SFRP2: variants seen among roughly 807,000 people sequenced by gnomAD.
The protein encoded by SFRP2 is secreted frizzled-related protein 2.
A neutral mutation model predicts 26.0 loss-of-function variants in SFRP2; 16 were observed. That is an observed-to-expected ratio of 0.61 (90% CI 0.42 to 0.93). The LOEUF (loss-of-function observed/expected upper bound fraction) is 0.93, where lower values mean the gene tolerates loss of function less well. Among genes scored for constraint, SFRP2 ranks in the 40% least tolerant of loss-of-function variants. The pLI is 0.00. For missense variants in SFRP2, 343 were observed against 392.4 expected (o/e 0.87, Z 1.06); for synonymous variants, 173 against 167.3 (o/e 1.03, Z -0.26).
rs1741119116 is a variant in SFRP2 at position 153,781,416 on chromosome 4, G to A, written c.*35C>T. On this transcript the variant is annotated 3_prime_UTR_variant, in exon 3 of 3. Coordinates refer to ENST00000274063, the MANE Select transcript of SFRP2 (RefSeq NM_003013.3). Reference sequence around the variant, plus strand: ...GAGCAGAAATGGTCAGCCGTGCTCTGGAGCAGGCCTGTCGGAGCCATCAGG... The same window carrying A: ...GAGCAGAAATGGTCAGCCGTGCTCTAGAGCAGGCCTGTCGGAGCCATCAGG... 1.3e-6 allele frequency: 2 copies of A among 1,584,258 alleles called. No individual in the cohort carries two copies. The highest frequency in any genetic ancestry group is 1.7e-6 in the Non-Finnish European group (2 of 1,163,698).
At chr4:153,783,849 T>C (rs113100080) in intron 2 of SFRP2, among the ~76,000 whole-genome samples, 82 of 152,342 alleles carry the variant, frequency 5.4e-4, no homozygotes, top group African/African-American at 1.9e-3. Context: ...AAAATTCTGC[T>C]TCATTATCCC....
In SFRP2 at chr4:153,788,218, GC is replaced by G. The variant is rs1741244582; in HGVS notation, c.502+115del. On this transcript the variant is annotated intron_variant, in intron 1 of 2. Transcript: ENST00000274063. ...ACAGACCAGGTCAGGCAGAACTTCT[GC>G]CCTTCCCGCTACTGGCACCCCAAGC... 3.9e-6 allele frequency: 5 copies of G among 1,268,170 alleles called. 1 individual carries two copies. Among genetic ancestry groups the G allele is most frequent in the South Asian group, 2.8e-5 (2 of 71,548 alleles). 78.6% of individuals were successfully genotyped at this position (1,268,170 alleles called of 1,614,324 possible).
chr4:153,782,765 A>C (rs1199686421), intron 2 of SFRP2, among the ~76,000 whole-genome samples: 1 of 152,122 alleles, frequency 6.6e-6, no homozygotes, highest in African/African-American at 2.4e-5. Context: ...CTGTAATACC[A>C]CTGTGGTGTC....
In SFRP2 at chr4:153,788,509, C is replaced by A. The variant is rs764627420; in HGVS notation, c.327G>T (p.Glu109Asp). The change falls in exon 1 of 3, where the codon GAG becomes GAT. Residue 109 changes from glutamate to aspartate, a missense_variant. Glu to Asp is a conservative substitution (Grantham distance 45). Around this residue, in one of 2 missense-constraint regions of SFRP2, gnomAD observed 251 missense variants for 253.3 expected, o/e 0.99. Transcript: ENST00000274063. ...FAPVCLDDLDETIQPCHSLCV... is the reference protein window; with the variant it reads ...FAPVCLDDLDDTIQPCHSLCV... ...AGAGCGAGTGGCATGGCTGGATGGT[C>A]TCGTCTAGGTCATCGAGGCAGACGG... is the stretch of plus-strand genomic sequence containing the variant. 1 of 1,614,194 alleles carries A rather than the reference C, an allele frequency of 6.2e-7. No individual in the cohort carries two copies. The highest frequency in any genetic ancestry group is 1.1e-5 in the South Asian group (1 of 91,086).
intron 2 of SFRP2, among the ~76,000 whole-genome samples, chr4:153,784,133 G>A (rs1409833169): frequency 2.6e-5 from 4 of 152,184 alleles, no homozygotes; most frequent in Non-Finnish European, 4.4e-5. Flanking sequence ...GCTCCACAGT[G>A]TAACAATCAA....
intron 1 of SFRP2, 57 bp downstream of exon 1, chr4:153,788,277 A>T: frequency 6.4e-7 from 1 of 1,561,220 alleles, no homozygotes; most frequent in Non-Finnish European, 8.7e-7. Flanking sequence ...CAGGGGCGGG[A>T]TCTCCTGGGA....
In SFRP2 at chr4:153,789,072, C is replaced by A; in HGVS notation, c.-237G>T. 2.0e-6 allele frequency: 1 copy of A among 491,922 alleles called. No individual in the cohort carries two copies. Among genetic ancestry groups the A allele is most frequent in the East Asian group, 3.4e-5 (1 of 29,244 alleles). 30.5% of individuals were successfully genotyped at this position (491,922 alleles called of 1,614,324 possible). On this transcript the variant is annotated 5_prime_UTR_variant, in exon 1 of 3. Coordinates refer to ENST00000274063, the MANE Select transcript of SFRP2 (RefSeq NM_003013.3). ...TCCGACCCGGGGGAGCAGAATGAGC[C>A]GTTGCTGGGGCACAGCCAGAGTTTT...
At chr4:153,785,754 T>C in intron 2 of SFRP2, 110 bp downstream of exon 2, 1 of 662,548 alleles carries the variant, frequency 1.5e-6, no homozygotes, top group Non-Finnish European at 2.5e-6. Context: ...GCTATAATGG[T>C]GTTTTACCCA....
chr4:153,788,198 C>T, intron 1 of SFRP2, 136 bp downstream of exon 1: 1 of 1,047,474 alleles, frequency 9.5e-7, no homozygotes, highest in Non-Finnish European at 1.4e-6. Flanking sequence ...TGATGACAGA[C>T]CAGGTCAGGC....
intron 1 of SFRP2, among the ~76,000 whole-genome samples, chr4:153,786,856 G>GTA (rs1491089025): frequency 8.5e-6 from 1 of 117,134 alleles, no homozygotes; most frequent in Non-Finnish European, 1.7e-5. Flanking sequence ...CTTGGGAGAA[G>GTA]TAAAAAAAAA....
rs760558817 is a variant in SFRP2, at chr4:153,788,488, C to T, written c.348G>A (p.Ser116=). ...AGCGGTCCTTCACCTGCACGCAGAG[C>T]GAGTGGCATGGCTGGATGGTCTCGT... ...DLDETIQPCH[S]LCVQVKDRCA... is the part of the protein sequence containing the mutation. Residue 116 remains serine, a synonymous_variant, in exon 1 of 3, where the codon TCG becomes TCA. Coordinates refer to ENST00000274063, the MANE Select transcript of SFRP2 (RefSeq NM_003013.3). The T allele has an allele frequency of 3.8e-5, 62 of 1,614,082 alleles. 1 individual carries two copies. In the East Asian group the frequency reaches 1.4e-3, roughly 36 times the overall value.
In SFRP2 at chr4:153,782,274, G is replaced by A. The variant is rs186764000; in HGVS notation, c.584-519C>T. On this transcript the variant is annotated intron_variant, in intron 2 of 2. Coordinates refer to ENST00000274063, the MANE Select transcript of SFRP2 (RefSeq NM_003013.3). ...CTAAAGATCAGATTACAGGGAAGGAGAATTGATCTTACAGCTGCATTTGAT... is the reference window on the plus strand; with the variant it reads ...CTAAAGATCAGATTACAGGGAAGGAAAATTGATCTTACAGCTGCATTTGAT... Among the ~76,000 whole-genome samples the A allele has an allele frequency of 1.9e-3, 294 of 152,332 alleles. 1 individual carries two copies. The highest frequency in any genetic ancestry group is 2.9e-3 in the Non-Finnish European group (200 of 68,022).
At position 153,781,411 on chromosome 4, in the gene SFRP2, GCT is replaced by G. The variant is rs1166550324; in HGVS notation, c.*38_*39del. ...TCCCGGAGCAGAAATGGTCAGCCGT[GCT>G]CTGGAGCAGGCCTGTCGGAGCCATC... On this transcript the variant is annotated 3_prime_UTR_variant, in exon 3 of 3. Transcript: ENST00000274063. 1 of 1,571,796 alleles carries G rather than the reference GCT, an allele frequency of 6.4e-7. No homozygotes were observed. Among genetic ancestry groups the G allele is most frequent in the East Asian group, 2.2e-5 (1 of 44,530 alleles).
At chr4:153,786,042 G>A in intron 1 of SFRP2, 98 bp from the exon 2 acceptor site, 2 of 608,140 alleles carry the variant, frequency 3.3e-6, no homozygotes, top group South Asian at 2.6e-5. Context: ...GACAAAAGTA[G>A]CAATTGTCCT....
chr4:153,785,257 G>T (rs1413846277), intron 2 of SFRP2, among the ~76,000 whole-genome samples: 1 of 152,026 alleles, frequency 6.6e-6, no homozygotes, highest in Non-Finnish European at 1.5e-5. Flanking sequence ...TTTTAAGATG[G>T]TGTTTTAAGG....
rs1741273620 is a variant in SFRP2 at position 153,789,052 on chromosome 4, C to T, written c.-217G>A. ...CGCGCGCAGCTCCGGGGGGCTCCGA[C>T]CCGGGGGAGCAGAATGAGCCGTTGC... On this transcript the variant is annotated 5_prime_UTR_variant, in exon 1 of 3. Coordinates refer to ENST00000274063, the MANE Select transcript of SFRP2 (RefSeq NM_003013.3). 1 of 516,530 alleles carries T rather than the reference C, an allele frequency of 1.9e-6. No individual in the cohort carries two copies. The highest frequency in any genetic ancestry group is 4.0e-5 in the Admixed American group (1 of 25,294). The allele number at this position is 516,530 out of a possible 1,614,324, so 32.0% of individuals were successfully genotyped here.
chr4:153,780,942 T>G lies in SFRP2; in HGVS notation c.*509A>C, dbSNP rs1301689069. The G allele has an allele frequency of 6.4e-6, 1 of 157,296 alleles. No homozygotes were observed. 9.7% of individuals were successfully genotyped at this position (157,296 alleles called of 1,614,324 possible). A position where few individuals can be genotyped will look rare whatever the true frequency, so the allele number is the denominator to read the frequency against. On this transcript the variant is annotated 3_prime_UTR_variant, in exon 3 of 3. Coordinates refer to ENST00000274063, the MANE Select transcript of SFRP2 (RefSeq NM_003013.3). ...ATAAAATGATGAATTGTTGTAAGACTTAGACACTGAGTCTCAGTCTGGAGC... is the reference window on the plus strand; with the variant it reads ...ATAAAATGATGAATTGTTGTAAGACGTAGACACTGAGTCTCAGTCTGGAGC...
rs781288672 is a variant in SFRP2, at chr4:153,788,439, C to A, written c.397G>T (p.Gly133Cys). 1 of 1,614,126 alleles carries A rather than the reference C, an allele frequency of 6.2e-7. No individual in the cohort carries two copies. Among genetic ancestry groups the A allele is most frequent in the South Asian group, 1.1e-5 (1 of 91,084 alleles). ...TCAAGCATGTCGGGCCAGGGGAAGC[C>A]GAAGGCGGACATGACCGGGGCGCAG... ...DRCAPVMSAF[G>C]FPWPDMLECD... is the part of the protein sequence containing the mutation. Residue 133 changes from glycine (G) to cysteine (C), a missense_variant, in exon 1 of 3, where the codon GGC (glycine) becomes TGC (cysteine). By Grantham distance (159) the Gly-to-Cys change is radical. Coordinates refer to ENST00000274063, the MANE Select transcript of SFRP2 (RefSeq NM_003013.3).
Position 153,781,223 on chromosome 4 carries a change from A to G in SFRP2, c.*228T>C, listed in dbSNP as rs1263076325. The stretch of plus-strand genomic sequence containing the variant: ...TGATTTTATTAGTTTGAATATTTCT[A>G]CAAGATTCGGGTGGGCTTTTCCTTT... On this transcript the variant is annotated 3_prime_UTR_variant, in exon 3 of 3. Coordinates refer to ENST00000274063, the MANE Select transcript of SFRP2 (RefSeq NM_003013.3). 7 of 533,706 alleles carry G rather than the reference A, an allele frequency of 1.3e-5. No individual in the cohort carries two copies. Among genetic ancestry groups the G allele is most frequent in the South Asian group, 9.3e-5 (3 of 32,116 alleles). 33.1% of individuals were successfully genotyped at this position (533,706 alleles called of 1,614,324 possible).
Sources: gnomAD v4.1 joint callset for allele counts (sites outside exome capture counted in the v4.1 genomes callset) on GRCh38, gnomAD v4.1.1 for gene constraint, gnomAD v4.1.1 regional missense constraint, MANE v1.5 for transcripts, NCBI Gene and HGNC (gene_info 2026-07-23, HGNC 2026-07-21) for gene names.